The following PAXBP1 variants were observed in gnomAD, a reference collection of about 807,000 sequenced individuals.
PAXBP1 encodes the protein PAX3- and PAX7-binding protein 1.
PAXBP1 carries 44 observed loss-of-function variants against 119.9 expected under a neutral mutation model. That is an observed-to-expected ratio of 0.37 (90% CI 0.29 to 0.47). The LOEUF (loss-of-function observed/expected upper bound fraction) is 0.47, where lower values mean the gene tolerates loss of function less well. Ranked by LOEUF, PAXBP1 falls within the 20% of genes least tolerant of loss-of-function variation. The pLI, the probability that PAXBP1 is intolerant of heterozygous loss-of-function variation, is 0.99. For synonymous variants in PAXBP1, 393 were observed against 406.6 expected (o/e 0.97, Z 0.40); for missense variants, 898 against 1,134.1 (o/e 0.79, Z 2.99).
Position 32,751,000 on chromosome 21 carries a change from C to T in PAXBP1, c.1640G>A (p.Gly547Asp). The stretch of plus-strand genomic sequence containing the variant: ...GCCTTCAAGGTGATCTGCCATCTTA[C>T]CGGTTTGTTCTCTGGCTTGTCTACG... ...TRRRQAREQT[G>D]KMADHLEGLS... The change falls in exon 10 of 18, where the codon GGT (glycine) becomes GAT (aspartate). Residue 547 changes from glycine (G) to aspartate (D), a missense_variant. By Grantham distance (94) the Gly-to-Asp change is moderately conservative. Around this residue, in one of 2 missense-constraint regions of PAXBP1, gnomAD observed 599 missense variants for 852.7 expected, o/e 0.70. Transcript: ENST00000331923. The T allele has an allele frequency of 6.2e-7, 1 of 1,614,100 alleles. No individual in the cohort carries two copies. The highest frequency in any genetic ancestry group is 8.5e-7 in the Non-Finnish European group (1 of 1,180,010).
chr21:32,751,288 T>C (rs1210107731), intron 8 of PAXBP1, 70 bp from the exon 9 acceptor site: 18 of 1,432,598 alleles, frequency 1.3e-5, no homozygotes, highest in Non-Finnish European at 1.7e-5. Context: ...TTGCACAGAA[T>C]AAGCCATTAC....
At chr21:32,738,841 T>C (rs760554287) in intron 15 of PAXBP1, among the ~76,000 whole-genome samples, 6 of 152,124 alleles carry the variant, frequency 3.9e-5, no homozygotes, top group Non-Finnish European at 8.8e-5. Flanking sequence ...CCCCATCCCA[T>C]CCCACCATAA....
At chr21:32,769,460 A>AGT (rs2044297921) in intron 2 of PAXBP1, among the ~76,000 whole-genome samples, 1 of 152,192 alleles carries the variant, frequency 6.6e-6, no homozygotes, top group Non-Finnish European at 1.5e-5. Flanking sequence ...CTGTCTCTAC[A>AGT]AAATACAAGA....
chr21:32,736,577 G>A (rs1358466041), intron 17 of PAXBP1, among the ~76,000 whole-genome samples: 1 of 152,218 alleles, frequency 6.6e-6, no homozygotes, highest in African/African-American at 2.4e-5. Context: ...AAAGGGGAAT[G>A]AGGGATCAGA....
At chr21:32,765,272 C>T (rs901687150) in intron 2 of PAXBP1, among the ~76,000 whole-genome samples, 1 of 152,172 alleles carries the variant, frequency 6.6e-6, no homozygotes, top group African/African-American at 2.4e-5. Context: ...GAGAAGAGAG[C>T]CTCCTAATTC....
chr21:32,753,437 A>C (rs979439244), intron 8 of PAXBP1, among the ~76,000 whole-genome samples: 17 of 151,658 alleles, frequency 1.1e-4, no homozygotes, highest in African/African-American at 1.7e-4. Context: ...AAAAAAAAAA[A>C]AAAAAAAAAA....
chr21:32,760,348 A>G (rs771319924), intron 5 of PAXBP1, among the ~76,000 whole-genome samples: 5 of 152,214 alleles, frequency 3.3e-5, no homozygotes, highest in Non-Finnish European at 7.3e-5. Context: ...CCTGACATCC[A>G]GTCCAAGACT....
chr21:32,753,602 G>T (rs56323435), intron 8 of PAXBP1, among the ~76,000 whole-genome samples: 1 of 152,140 alleles, frequency 6.6e-6, no homozygotes, highest in Non-Finnish European at 1.5e-5. Context: ...CTAAACAGAA[G>T]AATTTCAGAC....
intron 15 of PAXBP1, among the ~76,000 whole-genome samples, chr21:32,739,937 TTAAAA>T (rs1170203093): frequency 5.1e-4 from 32 of 62,778 alleles, no homozygotes; most frequent in African/African-American, 1.7e-3. Context: ...CCTCGTCTCT[TTAAAA>T]AAAAAAAAAA....
intron 11 of PAXBP1, among the ~76,000 whole-genome samples, chr21:32,746,711 T>C (rs2043877359): frequency 1.3e-5 from 2 of 152,202 alleles, no homozygotes; most frequent in Non-Finnish European, 2.9e-5. Context: ...GAAATGCCAT[T>C]TGACCCAGCA....
intron 1 of PAXBP1, among the ~76,000 whole-genome samples, chr21:32,770,624 A>G (rs976287158): frequency 1.3e-5 from 2 of 152,234 alleles, no homozygotes; most frequent in Non-Finnish European, 2.9e-5. Context: ...GGTCAGAAGA[A>G]AAGATTTAAG....
chr21:32,740,634 T>C (rs888188646), intron 15 of PAXBP1, among the ~76,000 whole-genome samples: 2 of 152,092 alleles, frequency 1.3e-5, no homozygotes, highest in Non-Finnish European at 2.9e-5. Context: ...AACCTAAAAC[T>C]ATGAAACTTC....
At position 32,759,800 on chromosome 21, in the gene PAXBP1, C is replaced by T. The variant is rs748376409; in HGVS notation, c.1170G>A (p.Leu390=). The T allele has an allele frequency of 3.7e-6, 6 of 1,613,646 alleles. No homozygotes were observed. In the African/African-American group the frequency reaches 8.0e-5, roughly 22 times the overall value. ...ACCTGTCTTTAAGCTGTTTCTTTAC[C>T]AAATCAATAGTAACGGGAGTCATCT... ...SNEMTPVTID[L]VKKQLKDRLD... is the part of the protein sequence containing the mutation. Residue 390 remains leucine, a synonymous_variant, in exon 6 of 18, where the codon TTG becomes TTA. Transcript: ENST00000331923.
intron 6 of PAXBP1, 93 bp downstream of exon 6, chr21:32,759,684 T>C: frequency 9.6e-7 from 1 of 1,045,078 alleles, no homozygotes; most frequent in Non-Finnish European, 1.4e-6. Context: ...GAATCTTCTT[T>C]GCTGATATTC....
chr21:32,758,514 G>GA (rs1026151707), intron 7 of PAXBP1, among the ~76,000 whole-genome samples: 3 of 150,870 alleles, frequency 2.0e-5, no homozygotes, highest in African/African-American at 7.3e-5. Flanking sequence ...CTATCCTATT[G>GA]AAAAAAACAA....
rs1030298709 is a variant in PAXBP1, at chr21:32,750,677, G to A, written c.1723+240C>T. On this transcript the variant is annotated intron_variant, in intron 10 of 17. Coordinates refer to ENST00000331923, the MANE Select transcript of PAXBP1 (RefSeq NM_016631.4). ...CAGTCACTTAAAATTCTACCATTTGGAACAGTAACAACATTTATTATGCAA... is the reference window on the plus strand; with the variant it reads ...CAGTCACTTAAAATTCTACCATTTGAAACAGTAACAACATTTATTATGCAA... Among the ~76,000 whole-genome samples, 5 of 152,210 alleles carry A rather than the reference G, an allele frequency of 3.3e-5. No homozygotes were observed. The East Asian group carries it at 9.7e-4, about 29-fold the overall frequency.
At position 32,759,848 on chromosome 21, in the gene PAXBP1, G is replaced by T; in HGVS notation, c.1122C>A (p.Val374=). 6.2e-7 allele frequency: 1 copy of T among 1,613,998 alleles called. No homozygotes were observed. The highest frequency in any genetic ancestry group is 8.5e-7 in the Non-Finnish European group (1 of 1,179,912). The stretch of plus-strand genomic sequence containing the variant: ...TCTCATTACTGGGAGTTTTGAAAGG[G>T]ACTGTATTATCTGTTTTTTGAGATT... ...DAKSQKTDNT[V]PFKTPSNEMT... Residue 374 remains valine (V), a synonymous_variant, in exon 6 of 18, where the codon GTC becomes GTA. Coordinates refer to ENST00000331923, the MANE Select transcript of PAXBP1 (RefSeq NM_016631.4).
At chr21:32,761,372 A>G (rs2044142745) in intron 4 of PAXBP1, among the ~76,000 whole-genome samples, 1 of 152,224 alleles carries the variant, frequency 6.6e-6, no homozygotes, top group Non-Finnish European at 1.5e-5. Flanking sequence ...TTAATGTAAT[A>G]GTTAAAATCT....
Position 32,751,224 on chromosome 21 carries a change from A to G in PAXBP1, c.1508-6T>C, listed in dbSNP as rs1381242583. ...TGGTGCCATCAGAGCTTTGTCTGCAAAACAACAACAGTTAAAATTAAAAGC... is the reference window on the plus strand; with the variant it reads ...TGGTGCCATCAGAGCTTTGTCTGCAGAACAACAACAGTTAAAATTAAAAGC... On this transcript the variant is annotated splice_region_variant and splice_polypyrimidine_tract_variant and intron_variant, in intron 8 of 17. Transcript: ENST00000331923. 3.7e-6 allele frequency: 6 copies of G among 1,613,270 alleles called. No homozygotes were observed. The South Asian group carries it at 4.4e-5, about 12-fold the overall frequency.
Sources: gnomAD v4.1 joint callset for allele counts (sites outside exome capture counted in the v4.1 genomes callset) on GRCh38, gnomAD v4.1.1 for gene constraint, gnomAD v4.1.1 regional missense constraint, MANE v1.5 for transcripts, NCBI Gene and HGNC (gene_info 2026-07-23, HGNC 2026-07-21) for gene names.